DOT1L: variants seen among roughly 807,000 people sequenced by gnomAD.
DOT1L encodes histone-lysine N-methyltransferase, H3 lysine-79 specific.
Under a neutral mutation model 153.3 loss-of-function variants are expected in DOT1L, and 33 were observed. The ratio of observed to expected loss-of-function variants is 0.22; its 90% CI spans 0.16 to 0.29. The LOEUF is 0.29. DOT1L is among the 10% of genes least tolerant of loss of function. DOT1L has a pLI of 1.00. For missense variants in DOT1L, 1,847 were observed against 2,119.9 expected (o/e 0.87, Z 2.53); for synonymous variants, 1,135 against 965.1 (o/e 1.18, Z -3.26).
intron 1 of DOT1L, among the ~76,000 whole-genome samples, chr19:2,173,949 G>A (rs1287155988): frequency 2.6e-5 from 4 of 152,192 alleles, no homozygotes; most frequent in African/African-American, 7.2e-5. Context: ...TGGTTGTTGC[G>A]TAGCTTGGGC....
At chr19:2,224,657 C>A (rs538043080) in intron 25 of DOT1L, among the ~76,000 whole-genome samples, 1 of 151,946 alleles carries the variant, frequency 6.6e-6, no homozygotes, top group Non-Finnish European at 1.5e-5. Flanking sequence ...TTATAGAGAT[C>A]GGGTTTTGCC....
intron 6 of DOT1L, among the ~76,000 whole-genome samples, 156 bp from the exon 7 acceptor site, chr19:2,194,359 G>A (rs1193924723): frequency 1.3e-5 from 2 of 152,008 alleles, no homozygotes; most frequent in Admixed American, 6.5e-5. Flanking sequence ...TTTTAGTAGA[G>A]ACGGGGTTTC....
rs1386771329 is a variant in DOT1L, at chr19:2,220,128, G to T, written c.2712G>T (p.Val904=). 6.2e-7 allele frequency: 1 copy of T among 1,611,136 alleles called. No individual in the cohort carries two copies. Among genetic ancestry groups the T allele is most frequent in the Non-Finnish European group, 8.5e-7 (1 of 1,177,976 alleles). ...TGCAGAGGAGCACCCCCAGTCCCGT[G>T]CTGCAGCCCCGTGACCCCTCGTCCA... ...AERARSTPSP[V]LQPRDPSSTL... Residue 904 remains valine (V), a synonymous_variant, in exon 23 of 28, where the codon GTG becomes GTT. Transcript: ENST00000398665. This position sits in a 1 kb window ranked among gnomAD's most constrained non-coding sequence, Gnocchi z 4.5.
chr19:2,232,355 C>T lies in DOT1L; in HGVS notation c.*2563C>T, dbSNP rs1178957988. On this transcript the variant is annotated 3_prime_UTR_variant, in exon 28 of 28. Transcript: ENST00000398665. The stretch of plus-strand genomic sequence containing the variant: ...AGGCCCCCCACCCCCCGCCGACTGC[C>T]CTCGCCATCGTGGTCAGACCCCCCT... The T allele has an allele frequency of 4.8e-6, 1 of 207,202 alleles. No homozygotes were observed. Among genetic ancestry groups the T allele is most frequent in the African/African-American group, 2.3e-5 (1 of 43,480 alleles). 12.8% of individuals were successfully genotyped at this position (207,202 alleles called of 1,614,324 possible).
chr19:2,168,539 A>G (rs1365236148), intron 1 of DOT1L, among the ~76,000 whole-genome samples: 1 of 152,194 alleles, frequency 6.6e-6, no homozygotes, highest in Non-Finnish European at 1.5e-5. Context: ...TGGCAAACGC[A>G]AGGGGGAGGA....
chr19:2,225,095 T>G (rs1176763698), intron 25 of DOT1L, among the ~76,000 whole-genome samples: 1 of 152,252 alleles, frequency 6.6e-6, no homozygotes, highest in African/African-American at 2.4e-5. Context: ...TTCTGTGTGC[T>G]GGGAAATTGC....
intron 16 of DOT1L, 177 bp downstream of exon 16, chr19:2,212,019 A>G: frequency 1.6e-6 from 1 of 607,708 alleles, no homozygotes; most frequent in Non-Finnish European, 2.8e-6. Flanking sequence ...ATGGACTGAG[A>G]GACCCGGAAA....
chr19:2,214,311 C>A, intron 18 of DOT1L, 160 bp from the exon 19 acceptor site: 1 of 1,270,252 alleles, frequency 7.9e-7, no homozygotes, highest in Non-Finnish European at 1.1e-6. Flanking sequence ...CCAGTCTCCG[C>A]GTGTTCCGCA....
In DOT1L at chr19:2,226,540, A is replaced by G. The variant is rs1024573945; in HGVS notation, c.4019A>G (p.Lys1340Arg). The G allele has an allele frequency of 1.1e-5, 17 of 1,600,554 alleles. No homozygotes were observed. The highest frequency in any genetic ancestry group is 1.4e-5 in the Non-Finnish European group (17 of 1,179,490). Residue 1340 changes from lysine to arginine, a missense_variant, in exon 27 of 28, where the codon AAG (lysine) becomes AGG (arginine). This residue lies in a region of DOT1L where 934 missense variants were observed against 825.3 expected (regional missense o/e 1.13). Coordinates refer to ENST00000398665, the MANE Select transcript of DOT1L (RefSeq NM_032482.3). Reference protein sequence around the residue: ...SFSDGASLPHKGPEAAGLSSP... With the variant: ...SFSDGASLPHRGPEAAGLSSP... ...AGTGATGGTGCTTCTCTTCCCCACA[A>G]GGGCCCCGAGGCGGCCGGCCTGAGC... is the stretch of plus-strand genomic sequence containing the variant.
rs1025926893 is a variant in DOT1L at position 2,204,772 on chromosome 19, G to A, written c.788-1957G>A. ...TAGCCTGGCTCTGCAACCATTAGAC[G>A]TGGCCCTGCTCATGTTTGAGGTCCT... On this transcript the variant is annotated intron_variant, in intron 9 of 27. Coordinates refer to ENST00000398665, the MANE Select transcript of DOT1L (RefSeq NM_032482.3). This position sits in a 1 kb window ranked among gnomAD's most constrained non-coding sequence, Gnocchi z 5.7. 2.2e-4 allele frequency among the ~76,000 whole-genome samples: 33 copies of A among 152,116 alleles called. No individual in the cohort carries two copies. The highest frequency in any genetic ancestry group is 7.0e-4 in the African/African-American group (29 of 41,406).
rs1341590202 is a variant in DOT1L at position 2,220,396 on chromosome 19, A to G, written c.2806+174A>G. 1.4e-6 allele frequency: 1 copy of G among 725,018 alleles called. No individual in the cohort carries two copies. Among genetic ancestry groups the G allele is most frequent in the Non-Finnish European group, 2.4e-6 (1 of 409,752 alleles). The allele number at this position is 725,018 out of a possible 1,614,324, so 44.9% of individuals were successfully genotyped here. Reference sequence around the variant, plus strand: ...CCTTTCCTGCATCCCACGAGCTGGGATGCGGATCGGGCTCAGCTGCAGCCA... The same window carrying G: ...CCTTTCCTGCATCCCACGAGCTGGGGTGCGGATCGGGCTCAGCTGCAGCCA... On this transcript the variant is annotated intron_variant, in intron 23 of 27. Coordinates refer to ENST00000398665, the MANE Select transcript of DOT1L (RefSeq NM_032482.3). The surrounding 1 kb of genome is among the most constrained non-coding windows in gnomAD (Gnocchi z 4.5).
rs770602808 is a variant in DOT1L, at chr19:2,217,011, G to T, written c.2465G>T (p.Ser822Ile). The stretch of plus-strand genomic sequence containing the variant: ...TACCAGAGCCCCAGCGTGCCTGGCA[G>T]CATGAAGCTGAGCCCTCAGGACCCG... ...LPYQSPSVPGSMKLSPQDPRP... is the reference protein window; with the variant it reads ...LPYQSPSVPGIMKLSPQDPRP... Residue 822 changes from serine to isoleucine, a missense_variant, in exon 21 of 28, where the codon AGC (serine) becomes ATC (isoleucine). Around this residue, in one of 8 missense-constraint regions of DOT1L, gnomAD observed 281 missense variants for 263.6 expected, o/e 1.07. Transcript: ENST00000398665. This position sits in a 1 kb window ranked among gnomAD's most constrained non-coding sequence, Gnocchi z 7.3. 6.2e-7 allele frequency: 1 copy of T among 1,613,158 alleles called. No individual in the cohort carries two copies. Among genetic ancestry groups the T allele is most frequent in the South Asian group, 1.1e-5 (1 of 91,066 alleles).
intron 7 of DOT1L, among the ~76,000 whole-genome samples, chr19:2,198,388 C>G (rs377685724): frequency 1.3e-5 from 2 of 152,214 alleles, no homozygotes; most frequent in African/African-American, 4.8e-5. Flanking sequence ...GGGCTTCCCG[C>G]GGCCTTGGAG....
Position 2,226,441 on chromosome 19 carries a change from G to C in DOT1L, c.3920G>C (p.Ser1307Thr), listed in dbSNP as rs761573687. Residue 1307 changes from serine (S) to threonine (T), a missense_variant, in exon 27 of 28, where the codon AGC becomes ACC. Physicochemically the swap from Ser to Thr is moderately conservative, Grantham distance 58. Coordinates refer to ENST00000398665, the MANE Select transcript of DOT1L (RefSeq NM_032482.3). Reference sequence around the variant, plus strand: ...TCCCTGTCGGGGGCTGACGGACTCAGCCCGGGCACCAACCCTGCCAACGGC... The same window carrying C: ...TCCCTGTCGGGGGCTGACGGACTCACCCCGGGCACCAACCCTGCCAACGGC... ...PGSLSGADGL[S>T]PGTNPANGCT... is the part of the protein sequence containing the mutation. The C allele has an allele frequency of 1.2e-6, 2 of 1,601,658 alleles. No homozygotes were observed. The highest frequency in any genetic ancestry group is 4.5e-5 in the East Asian group (2 of 44,854).
chr19:2,166,504 C>T (rs1329328527), intron 1 of DOT1L, among the ~76,000 whole-genome samples: 7 of 136,968 alleles, frequency 5.1e-5, no homozygotes, highest in African/African-American at 7.3e-5. Flanking sequence ...GTCTGCCTCC[C>T]GGGTTCAAGC....
In DOT1L at chr19:2,210,490, G is replaced by A. The variant is rs1400104618; in HGVS notation, c.1096G>A (p.Gly366Ser). Reference sequence around the variant, plus strand: ...TAAGGGCCCAGAGGGCAAGGTGGCCGGCCCCGCCGACGCCCCCATGGTAAG... The same window carrying A: ...TAAGGGCCCAGAGGGCAAGGTGGCCAGCCCCGCCGACGCCCCCATGGTAAG... ...PTKGPEGKVAGPADAPMDSGA... is the reference protein window; with the variant it reads ...PTKGPEGKVASPADAPMDSGA... The change falls in exon 13 of 28, where the codon GGC (glycine) becomes AGC (serine). Residue 366 changes from glycine to serine, a missense_variant. Gly to Ser is a moderately conservative substitution (Grantham distance 56, BLOSUM62 0). Around this residue, in one of 8 missense-constraint regions of DOT1L, gnomAD observed 205 missense variants for 203.1 expected, o/e 1.01. Coordinates refer to ENST00000398665, the MANE Select transcript of DOT1L (RefSeq NM_032482.3). 4.4e-6 allele frequency: 7 copies of A among 1,593,958 alleles called. No individual in the cohort carries two copies. The highest frequency in any genetic ancestry group is 1.7e-5 in the Admixed American group (1 of 57,952).
rs2023167528 is a variant in DOT1L, at chr19:2,199,751, G to A, written c.652-133G>A. On this transcript the variant is annotated intron_variant, in intron 7 of 27. Coordinates refer to ENST00000398665, the MANE Select transcript of DOT1L (RefSeq NM_032482.3). ...GCAGCTCCCAGGGCTGCAGCCGGTGGGGCCTGGGCCTCCTCCTGCTCCTTC... is the reference window on the plus strand; with the variant it reads ...GCAGCTCCCAGGGCTGCAGCCGGTGAGGCCTGGGCCTCCTCCTGCTCCTTC... 7 of 1,219,154 alleles carry A rather than the reference G, an allele frequency of 5.7e-6. No homozygotes were observed. In the African/African-American group the frequency reaches 1.1e-4, roughly 19 times the overall value. 75.5% of individuals were successfully genotyped at this position (1,219,154 alleles called of 1,614,324 possible). A position where few individuals can be genotyped will look rare whatever the true frequency, so the allele number is the denominator to read the frequency against.
At position 2,193,407 on chromosome 19, in the gene DOT1L, T is replaced by C. The variant is rs1473230448; in HGVS notation, c.494-282T>C. ...GTCTGTCTGAACAGTGAACATCACA[T>C]AGGGCCCTGAGACTCAAAATGGATT... is the stretch of plus-strand genomic sequence containing the variant. On this transcript the variant is annotated intron_variant, in intron 5 of 27. Transcript: ENST00000398665. The surrounding 1 kb of genome is among the most constrained non-coding windows in gnomAD (Gnocchi z 5.9). Among the ~76,000 whole-genome samples, 2 of 152,212 alleles carry C rather than the reference T, an allele frequency of 1.3e-5. No homozygotes were observed. The highest frequency in any genetic ancestry group is 2.9e-5 in the Non-Finnish European group (2 of 68,026).
chr19:2,196,408 C>G (rs2023022908), intron 7 of DOT1L, among the ~76,000 whole-genome samples: 1 of 152,248 alleles, frequency 6.6e-6, no homozygotes, highest in Non-Finnish European at 1.5e-5. Flanking sequence ...TCTTGGCTCA[C>G]TGTAGCCTCC....
Sources: gnomAD v4.1 joint callset for allele counts (sites outside exome capture counted in the v4.1 genomes callset) on GRCh38, gnomAD v4.1.1 for gene constraint, gnomAD v4.1.1 regional missense constraint, Gnocchi (gnomAD v3.1) non-coding constraint, MANE v1.5 for transcripts, NCBI Gene and HGNC (gene_info 2026-07-23, HGNC 2026-07-21) for gene names.